Variants in ADAM18 observed in about 807,000 individuals in gnomAD.
The protein encoded by ADAM18 is disintegrin and metalloproteinase domain-containing protein 18.
ADAM18 carries 117 observed loss-of-function variants against 94.4 expected under a neutral mutation model. That is an observed-to-expected ratio of 1.24 (90% CI 1.07 to 1.45). The LOEUF (loss-of-function observed/expected upper bound fraction) is 1.45, where lower values mean the gene tolerates loss of function less well. Among genes scored for constraint, ADAM18 ranks in the 40% most tolerant of loss-of-function variants. ADAM18 has a pLI of 0.00. For synonymous variants in ADAM18, 327 were observed against 291.6 expected (o/e 1.12, Z -1.24); for missense variants, 936 against 880.0 (o/e 1.06, Z -0.81).
intron 6 of ADAM18, among the ~76,000 whole-genome samples, chr8:39,619,280 G>A (rs56167407): frequency 0.043 from 6,531 of 151,976 alleles, 177 homozygotes; most frequent in South Asian, 0.076. Context: ...AATCAACAAA[G>A]AAATACCACG....
At chr8:39,626,786 T>G (rs1017726328) in intron 6 of ADAM18, among the ~76,000 whole-genome samples, 15 of 152,154 alleles carry the variant, frequency 9.9e-5, no homozygotes, top group African/African-American at 3.6e-4. Flanking sequence ...TAATTTTGAT[T>G]TTTAAAAAAT....
Position 39,589,485 on chromosome 8 carries a change from T to C in ADAM18, c.132+4133T>C, listed in dbSNP as rs144784576. ...AATATAGAGAATATAAGAATATATG[T>C]AAGTACATATTGTGTATAAATTATG... On this transcript the variant is annotated intron_variant, in intron 2 of 19. Transcript: ENST00000265707. 7.1e-3 allele frequency among the ~76,000 whole-genome samples: 1,088 copies of C among 152,170 alleles called. 45 individuals carry two copies. Among genetic ancestry groups the C allele is most frequent in the Admixed American group, 0.064 (976 of 15,276 alleles).
chr8:39,646,202 T>C, intron 11 of ADAM18, among the ~76,000 whole-genome samples: 1 of 152,158 alleles, frequency 6.6e-6, no homozygotes, highest in East Asian at 1.9e-4. Context: ...AGTATTGCTA[T>C]CTGAGACGAT....
chr8:39,661,319 A>ATTTTTTTTTTTTTTTTTT (rs71518171), intron 12 of ADAM18, among the ~76,000 whole-genome samples: 1 of 112,824 alleles, frequency 8.9e-6, no homozygotes, highest in African/African-American at 4.1e-5. Context: ...CACCCGGCAA[A>ATTTTTTTTTTTTTTTTTT]TTTTTTTTTT....
At chr8:39,612,194 C>G (rs1236925446) in intron 6 of ADAM18, among the ~76,000 whole-genome samples, 1 of 150,934 alleles carries the variant, frequency 6.6e-6, no homozygotes, top group East Asian at 1.9e-4. Flanking sequence ...GGAAGGTTAT[C>G]TCCCACCGGA....
intron 6 of ADAM18, among the ~76,000 whole-genome samples, chr8:39,622,484 G>A (rs538599744): frequency 2.4e-4 from 37 of 151,800 alleles, no homozygotes; most frequent in African/African-American, 8.0e-4. Flanking sequence ...TATAGCATTA[G>A]AAGGAGAGAC....
intron 18 of ADAM18, among the ~76,000 whole-genome samples, chr8:39,712,370 T>C (rs1005647867): frequency 6.6e-6 from 1 of 151,976 alleles, no homozygotes; most frequent in African/African-American, 2.4e-5. Flanking sequence ...GCATTCCCTT[T>C]GAAAACTGGC....
At chr8:39,603,634 A>G (rs1268961490) in intron 2 of ADAM18, among the ~76,000 whole-genome samples, 1 of 152,220 alleles carries the variant, frequency 6.6e-6, no homozygotes, top group Admixed American at 6.5e-5. Flanking sequence ...CTTTATTGCA[A>G]TGGTTTGGAA....
intron 2 of ADAM18, among the ~76,000 whole-genome samples, chr8:39,605,038 T>C (rs1007314719): frequency 2.0e-5 from 3 of 152,118 alleles, no homozygotes; most frequent in African/African-American, 7.2e-5. Flanking sequence ...CTTACATTGG[T>C]TTAAGGGAAT....
intron 13 of ADAM18, among the ~76,000 whole-genome samples, chr8:39,664,933 TTG>T (rs1820952426): frequency 2.0e-5 from 3 of 151,956 alleles, no homozygotes; most frequent in South Asian, 4.1e-4. Flanking sequence ...ATTTTTTTTG[TTG>T]AATTTAGCTA....
At chr8:39,715,430 C>A (rs1586010156) in intron 18 of ADAM18, among the ~76,000 whole-genome samples, 1 of 143,318 alleles carries the variant, frequency 7.0e-6, no homozygotes, top group Admixed American at 6.9e-5. Context: ...AAAGTAAATC[C>A]AAAATAAAGA....
intron 18 of ADAM18, among the ~76,000 whole-genome samples, chr8:39,719,665 G>A (rs1039520845): frequency 2.6e-5 from 4 of 151,286 alleles, no homozygotes; most frequent in African/African-American, 4.8e-5. Flanking sequence ...ATGTAAAGAC[G>A]CCCAACAACA....
At chr8:39,586,755 ACTATCTAT>A (rs35604090) in intron 2 of ADAM18, among the ~76,000 whole-genome samples, 8,824 of 147,468 alleles carry the variant, frequency 0.06, 312 homozygotes, top group East Asian at 0.12. Flanking sequence ...CAAACAAAAA[ACTATCTAT>A]CTATCTATCT....
intron 6 of ADAM18, chr8:39,611,663 A>G (rs1819275232): frequency 1.1e-6 from 1 of 875,414 alleles, no homozygotes; most frequent in Non-Finnish European, 1.4e-6. Context: ...CAAACTGCAC[A>G]TTAATTATTT....
At chr8:39,652,506 C>T (rs1820565547) in intron 12 of ADAM18, among the ~76,000 whole-genome samples, 1 of 152,070 alleles carries the variant, frequency 6.6e-6, no homozygotes, top group Admixed American at 6.6e-5. Flanking sequence ...TTACCTCACA[C>T]CTGTCAGAAT....
intron 2 of ADAM18, among the ~76,000 whole-genome samples, chr8:39,590,859 C>T (rs1258476762): frequency 6.6e-6 from 1 of 152,060 alleles, no homozygotes; most frequent in Non-Finnish European, 1.5e-5. Flanking sequence ...GGTTATTTTC[C>T]TGTTTATTTT....
At chr8:39,603,467 G>A (rs991575439) in intron 2 of ADAM18, among the ~76,000 whole-genome samples, 9 of 152,098 alleles carry the variant, frequency 5.9e-5, no homozygotes, top group African/African-American at 2.2e-4. Flanking sequence ...GTATCTGTTT[G>A]CCTTTTTTAG....
chr8:39,606,625 A>G (rs1242720872), intron 3 of ADAM18, among the ~76,000 whole-genome samples: 1 of 152,190 alleles, frequency 6.6e-6, no homozygotes, highest in Non-Finnish European at 1.5e-5. Context: ...TAAGCCGTTG[A>G]ACCCAAGAAC....
At chr8:39,683,914 A>T (rs575278469) in intron 16 of ADAM18, among the ~76,000 whole-genome samples, 1 of 152,256 alleles carries the variant, frequency 6.6e-6, no homozygotes, top group South Asian at 2.1e-4. Context: ...AGATGGGAGG[A>T]TCAGTTGAGC....
Sources: allele counts gnomAD v4.1 joint callset (sites outside exome capture counted in the v4.1 genomes callset), GRCh38; gene constraint gnomAD v4.1.1; transcripts MANE v1.5; gene names NCBI Gene and HGNC (gene_info 2026-07-23, HGNC 2026-07-21).